The following CCNJL variants were observed in gnomAD, a reference collection of about 807,000 sequenced individuals.
CCNJL encodes cyclin-J-like protein.
A neutral mutation model predicts 33.4 loss-of-function variants in CCNJL; 33 were observed. The ratio of observed to expected loss-of-function variants is 0.99; its 90% CI spans 0.75 to 1.32. The LOEUF (loss-of-function observed/expected upper bound fraction) is 1.32, where lower values mean the gene tolerates loss of function less well. Among genes scored for constraint, CCNJL ranks in the 40% most tolerant of loss-of-function variants. The probability of loss-of-function intolerance (pLI) is 0.00; values close to 1 mark genes in which losing one functional copy is unlikely to be tolerated. For missense variants in CCNJL, 512 were observed against 499.7 expected, an observed-to-expected ratio of 1.02 and a Z score of -0.23; for synonymous variants, 227 against 220.9, an observed-to-expected ratio of 1.03 and a Z score of -0.24.
Position 160,270,076 on chromosome 5 carries a change from C to T in CCNJL, c.281-10305G>A, listed in dbSNP as rs1265671178. On this transcript the variant is annotated intron_variant, in intron 3 of 5. Transcript: ENST00000257536. ...CTATAATCCCAGCACTTTGGGAGGC[C>T]GAGGCTGGTGGACTGCTTGAGCACA... Among the ~76,000 whole-genome samples the T allele has an allele frequency of 9.2e-5, 14 of 151,916 alleles. 1 individual carries two copies. Among genetic ancestry groups the T allele is most frequent in the Admixed American group, 9.2e-4 (14 of 15,254 alleles).
intron 2 of CCNJL, among the ~76,000 whole-genome samples, chr5:160,305,191 G>A (rs1338554179): frequency 6.6e-6 from 1 of 151,880 alleles, no homozygotes; most frequent in Non-Finnish European, 1.5e-5. Context: ...GAAGGAGTGA[G>A]AAAAAAATAC....
At chr5:160,327,891 C>A (rs1182039736) in intron 1 of CCNJL, among the ~76,000 whole-genome samples, 13 of 143,444 alleles carry the variant, frequency 9.1e-5, no homozygotes, top group African/African-American at 3.6e-4. Context: ...AACAAAAAAA[C>A]AATACAAAAA....
chr5:160,336,592 GT>G (rs1763686245), intron 1 of CCNJL, among the ~76,000 whole-genome samples: 3 of 152,224 alleles, frequency 2.0e-5, no homozygotes, highest in African/African-American at 7.2e-5. Flanking sequence ...TTAAGCCACA[GT>G]TTGTGGTAAT....
At chr5:160,277,798 T>A (rs1762068559) in intron 3 of CCNJL, among the ~76,000 whole-genome samples, 1 of 147,450 alleles carries the variant, frequency 6.8e-6, no homozygotes, top group Non-Finnish European at 1.5e-5. Context: ...CAGCCTGGAG[T>A]GCAATGGCGC....
intron 1 of CCNJL, among the ~76,000 whole-genome samples, chr5:160,337,399 G>A (rs1763696541): frequency 1.3e-5 from 2 of 152,096 alleles, no homozygotes; most frequent in Admixed American, 1.3e-4. Flanking sequence ...GTAGCTGGAG[G>A]AATGCTGTTA....
At chr5:160,303,700 C>CCGTG (rs1554123409) in intron 2 of CCNJL, among the ~76,000 whole-genome samples, 1 of 104,304 alleles carries the variant, frequency 9.6e-6, no homozygotes, top group African/African-American at 3.9e-5. Flanking sequence ...CTCTGTGTGT[C>CCGTG]TGTGTGTGTG....
intron 1 of CCNJL, among the ~76,000 whole-genome samples, chr5:160,326,177 A>T (rs908630715): frequency 2.0e-5 from 3 of 152,160 alleles, no homozygotes; most frequent in African/African-American, 7.2e-5. Flanking sequence ...ACACAATATG[A>T]AAGCCATTAT....
chr5:160,253,491 G>C lies in CCNJL; in HGVS notation c.1051C>G (p.Leu351Val). ...GCTGCAATGGCCATATGCATGCTAA[G>C]GGATGCAGGGACGGGCACGGGACAC... ...DMCPVPVPAS[L>V]SMHMAIAAEP... Residue 351 changes from leucine (L) to valine (V), a missense_variant, in exon 6 of 6, where the codon CTT (leucine) becomes GTT (valine). Transcript: ENST00000257536. 1 of 1,614,192 alleles carries C rather than the reference G, an allele frequency of 6.2e-7. No homozygotes were observed. The highest frequency in any genetic ancestry group is 1.1e-5 in the South Asian group (1 of 91,074).
chr5:160,280,789 G>A (rs1762184684), intron 2 of CCNJL, 51 bp from the exon 3 acceptor site: 2 of 1,237,190 alleles, frequency 1.6e-6, no homozygotes, highest in Non-Finnish European at 2.3e-6. Flanking sequence ...CCTCCTGAGA[G>A]TCTCGGCTGT....
chr5:160,271,891 A>C (rs1276885145), intron 3 of CCNJL, among the ~76,000 whole-genome samples: 2 of 152,226 alleles, frequency 1.3e-5, no homozygotes, highest in Non-Finnish European at 2.9e-5. Context: ...CCACTCTTGC[A>C]TGAGATGTAG....
At chr5:160,337,283 G>A (rs552064158) in intron 1 of CCNJL, among the ~76,000 whole-genome samples, 1 of 151,840 alleles carries the variant, frequency 6.6e-6, no homozygotes, top group African/African-American at 2.4e-5. Flanking sequence ...GCCTCCCAAA[G>A]TGCTGGGATT....
chr5:160,284,276 C>G (rs946844443), intron 2 of CCNJL, among the ~76,000 whole-genome samples: 19 of 152,106 alleles, frequency 1.2e-4, no homozygotes, highest in Non-Finnish European at 2.6e-4. Flanking sequence ...CACTTGAGCA[C>G]AGGAGGAGGA....
intron 2 of CCNJL, among the ~76,000 whole-genome samples, chr5:160,295,655 A>G (rs1166157072): frequency 2.0e-5 from 3 of 152,048 alleles, no homozygotes; most frequent in Non-Finnish European, 2.9e-5. Flanking sequence ...CAAGGAGGAG[A>G]AGGCCTTGTG....
rs1328843926 is a variant in CCNJL at position 160,295,314 on chromosome 5, C to G, written c.67-14576G>C. On this transcript the variant is annotated intron_variant, in intron 2 of 5. Transcript: ENST00000257536. ...GACCATCCTGTCCAACAGGTGAAAC[C>G]CTGTCTCTACTAAAAATACAAAAAA... Among the ~76,000 whole-genome samples, 4 of 152,222 alleles carry G rather than the reference C, an allele frequency of 2.6e-5. No individual in the cohort carries two copies. In the South Asian group the frequency reaches 8.3e-4, roughly 32 times the overall value.
At position 160,253,521 on chromosome 5, in the gene CCNJL, C is replaced by T. The variant is rs755182751; in HGVS notation, c.1021G>A (p.Asp341Asn). Residue 341 changes from aspartate to asparagine, a missense_variant, in exon 6 of 6, where the codon GAT becomes AAT. Physicochemically the swap from Asp to Asn is conservative, Grantham distance 23. Coordinates refer to ENST00000257536, the MANE Select transcript of CCNJL (RefSeq NM_001308173.3). ...GCAGGGACGGGCACGGGACACATATCCAAGGGCTGCAGCGGTTGGTACGGG... is the reference window on the plus strand; with the variant it reads ...GCAGGGACGGGCACGGGACACATATTCAAGGGCTGCAGCGGTTGGTACGGG... ...HTPYQPLQPL[D>N]MCPVPVPASL... The T allele has an allele frequency of 8.1e-6, 13 of 1,614,202 alleles. 1 individual carries two copies. The South Asian group carries it at 1.4e-4, about 18-fold the overall frequency.
chr5:160,293,306 A>G (rs532519643), intron 2 of CCNJL, among the ~76,000 whole-genome samples: 70 of 152,318 alleles, frequency 4.6e-4, no homozygotes, highest in African/African-American at 1.6e-3. Context: ...CTGTAACCTC[A>G]GCCTCAGCTA....
chr5:160,249,134 T>C lies in CCNJL; in HGVS notation c.*4244A>G, dbSNP rs1760742156. The C allele has an allele frequency of 6.6e-6, 1 of 152,212 alleles. No individual in the cohort carries two copies. The highest frequency in any genetic ancestry group is 2.1e-4 in the South Asian group (1 of 4,832). The allele number at this position is 152,212 out of a possible 1,614,324, so 9.4% of individuals were successfully genotyped here. A position where few individuals can be genotyped will look rare whatever the true frequency, so the allele number is the denominator to read the frequency against. ...TTGATTTTTTGCCTAGTGTATTTCATGAGGAGGTCAGCTCATTTGCTCCCA... is the reference window on the plus strand; with the variant it reads ...TTGATTTTTTGCCTAGTGTATTTCACGAGGAGGTCAGCTCATTTGCTCCCA... On this transcript the variant is annotated 3_prime_UTR_variant, in exon 6 of 6. Transcript: ENST00000257536.
At chr5:160,311,331 T>G (rs1281115840) in intron 2 of CCNJL, among the ~76,000 whole-genome samples, 1 of 152,166 alleles carries the variant, frequency 6.6e-6, no homozygotes, top group Non-Finnish European at 1.5e-5. Flanking sequence ...GATATACACA[T>G]AGATACACGT....
At chr5:160,321,025 T>C (rs1297281992) in intron 1 of CCNJL, among the ~76,000 whole-genome samples, 2 of 16,016 alleles carry the variant, frequency 1.2e-4, no homozygotes, top group African/African-American at 5.6e-4. Flanking sequence ...TTTCTTTCTT[T>C]CTTTCTTTCT....
Sources: gnomAD v4.1 joint callset for allele counts (sites outside exome capture counted in the v4.1 genomes callset) on GRCh38, gnomAD v4.1.1 for gene constraint, MANE v1.5 for transcripts, NCBI Gene and HGNC (gene_info 2026-07-23, HGNC 2026-07-21) for gene names.